SEMA4F: variants seen among roughly 807,000 people sequenced by gnomAD.
The protein encoded by SEMA4F is ssemaphorin 4F.
SEMA4F carries 51 observed loss-of-function variants against 78.4 expected under a neutral mutation model. The ratio of observed to expected loss-of-function variants is 0.65; its 90% CI spans 0.52 to 0.82. The LOEUF is 0.82. SEMA4F is among the 40% of genes least tolerant of loss of function. The pLI is 0.00. For synonymous variants in SEMA4F, 418 were observed against 408.7 expected, an observed-to-expected ratio of 1.02 and a Z score of -0.27; for missense variants, 938 against 1,014.4, an observed-to-expected ratio of 0.92 and a Z score of 1.02.
chr2:74,706,935 C>T, the SEMA4F span, among the ~76,000 whole-genome samples: 1 of 152,148 alleles, frequency 6.6e-6, no homozygotes, highest in African/African-American at 2.4e-5. Context: ...GAGGCAGTGA[C>T]CAAGCAGGAT....
chr2:74,657,482 A>G (rs1684215358), intron 2 of SEMA4F, 83 bp from the exon 3 acceptor site: 4 of 1,343,966 alleles, frequency 3.0e-6, no homozygotes, highest in Admixed American at 1.7e-5. Flanking sequence ...GATGGAGGTT[A>G]TAGAACAGTT....
chr2:74,680,863 AACTTTAG>A lies in SEMA4F; in HGVS notation c.*657_*663del, dbSNP rs1685576018. 6.6e-6 allele frequency: 1 copy of A among 152,200 alleles called. No individual in the cohort carries two copies. The highest frequency in any genetic ancestry group is 2.4e-5 in the African/African-American group (1 of 41,420). 9.4% of individuals were successfully genotyped at this position (152,200 alleles called of 1,614,324 possible). On this transcript the variant is annotated 3_prime_UTR_variant, in exon 14 of 14. Transcript: ENST00000357877. ...ATTGGAATGGGGGCGTTGCCTGCAG[AACTTTAG>A]ACCCTGTAGCCATAGAGGGAATGGC...
At chr2:74,695,799 C>T in the SEMA4F span, among the ~76,000 whole-genome samples, 1 of 152,210 alleles carries the variant, frequency 6.6e-6, no homozygotes, top group African/African-American at 2.4e-5. Context: ...TTGTGAGATG[C>T]TGGGAATTCT....
chr2:74,706,286 C>T, the SEMA4F span, among the ~76,000 whole-genome samples: 2 of 152,140 alleles, frequency 1.3e-5, no homozygotes, highest in South Asian at 2.1e-4. Flanking sequence ...GGATTTGAAA[C>T]CAGATCTGAC....
rs1217404069 is a variant in SEMA4F, at chr2:74,675,298, C to T, written c.1286C>T (p.Thr429Ile). The T allele has an allele frequency of 7.4e-6, 12 of 1,614,084 alleles. No individual in the cohort carries two copies. Among genetic ancestry groups the T allele is most frequent in the Non-Finnish European group, 1.0e-5 (12 of 1,180,046 alleles). Residue 429 changes from threonine to isoleucine, a missense_variant, in exon 10 of 14, where the codon ACT becomes ATT. By Grantham distance (89) the Thr-to-Ile change is moderately conservative (BLOSUM62 -1). Transcript: ENST00000357877. ...FPADGHPLLV[T>I]TDTAYLRVVA... is the part of the protein sequence containing the mutation. ...GCTGATGGCCACCCCCTGCTGGTCA[C>T]TACAGATACAGCCTATCTCAGAGTC...
rs530434362 is a variant in SEMA4F, at chr2:74,680,252, G to T, written c.*43G>T. The T allele has an allele frequency of 2.6e-6, 4 of 1,516,384 alleles. No homozygotes were observed. In the Admixed American group the frequency reaches 8.6e-5, roughly 33 times the overall value. The allele number at this position is 1,516,384 out of a possible 1,614,324, so 93.9% of individuals were successfully genotyped here. ...CTAGTGTATAAGTGATCACTGGAAC[G>T]GAGTGACCACTGAGATGCTGGGGGT... On this transcript the variant is annotated 3_prime_UTR_variant, in exon 14 of 14. Coordinates refer to ENST00000357877, the MANE Select transcript of SEMA4F (RefSeq NM_004263.5).
chr2:74,685,247 G>A (rs1291820443), downstream of SEMA4F, among the ~76,000 whole-genome samples: 3 of 152,094 alleles, frequency 2.0e-5, no homozygotes, highest in Admixed American at 2.0e-4. Context: ...CATGGTGACA[G>A]GGTTCAGTAA....
At chr2:74,702,537 C>T in the SEMA4F span, among the ~76,000 whole-genome samples, 1 of 152,132 alleles carries the variant, frequency 6.6e-6, no homozygotes, top group Non-Finnish European at 1.5e-5. Flanking sequence ...CATCAAAAGG[C>T]TGATCTCATC....
the SEMA4F span, among the ~76,000 whole-genome samples, chr2:74,700,336 A>G: frequency 5.3e-5 from 8 of 152,060 alleles, no homozygotes; most frequent in Admixed American, 1.3e-4. Flanking sequence ...TAAGGGTCTG[A>G]GAATAAATGC....
chr2:74,654,921 A>G (rs1444067337), intron 1 of SEMA4F, among the ~76,000 whole-genome samples: 1 of 152,184 alleles, frequency 6.6e-6, no homozygotes, highest in Non-Finnish European at 1.5e-5. Flanking sequence ...TTCCCCGCAC[A>G]TACACCTGGG....
chr2:74,708,315 T>C, the SEMA4F span, among the ~76,000 whole-genome samples: 1 of 152,104 alleles, frequency 6.6e-6, no homozygotes, highest in Non-Finnish European at 1.5e-5. Context: ...TAGAAAAATA[T>C]GACCCATATT....
intron 3 of SEMA4F, 60 bp downstream of exon 3, chr2:74,657,684 T>C: frequency 1.3e-6 from 2 of 1,545,206 alleles, no homozygotes; most frequent in Non-Finnish European, 1.8e-6. Context: ...CAGCCCTGAC[T>C]CTCAGTCCCC....
At chr2:74,674,762 G>A (rs1573257471) in intron 8 of SEMA4F, 86 bp downstream of exon 8, 1 of 1,560,392 alleles carries the variant, frequency 6.4e-7, no homozygotes, top group Non-Finnish European at 8.7e-7. Flanking sequence ...TCCAGAGGGG[G>A]CAGGCTCTCC....
chr2:74,676,173 G>A (rs1685271923), intron 12 of SEMA4F, among the ~76,000 whole-genome samples: 1 of 152,176 alleles, frequency 6.6e-6, no homozygotes, highest in Admixed American at 6.5e-5. Flanking sequence ...ATGCTGCTTA[G>A]TTTTCATCTT....
chr2:74,659,234 A>G (rs1684312584), intron 4 of SEMA4F, among the ~76,000 whole-genome samples: 1 of 152,096 alleles, frequency 6.6e-6, no homozygotes, highest in Non-Finnish European at 1.5e-5. Flanking sequence ...TGGTACTGCC[A>G]TTGCCATATT....
chr2:74,654,258 C>T lies in SEMA4F; in HGVS notation c.-119C>T. On this transcript the variant is annotated 5_prime_UTR_variant, in exon 1 of 14. Transcript: ENST00000357877. The stretch of plus-strand genomic sequence containing the variant: ...CGGAGCCGGGCGGTGTTTCATCCCT[C>T]AGCCTCAGGCTGAGCCGGACCGAGC... 1.7e-6 allele frequency: 2 copies of T among 1,211,310 alleles called. No homozygotes were observed. Among genetic ancestry groups the T allele is most frequent in the Non-Finnish European group, 2.1e-6 (2 of 933,824 alleles). The allele number at this position is 1,211,310 out of a possible 1,614,324, so 75.0% of individuals were successfully genotyped here.
chr2:74,672,957 C>T (rs1261808000), intron 5 of SEMA4F, among the ~76,000 whole-genome samples: 1 of 152,204 alleles, frequency 6.6e-6, no homozygotes, highest in Non-Finnish European at 1.5e-5. Context: ...TAAATCACTT[C>T]CCCAAGTGAG....
At chr2:74,657,299 G>A (rs1684202920) in intron 2 of SEMA4F, among the ~76,000 whole-genome samples, 1 of 152,168 alleles carries the variant, frequency 6.6e-6, no homozygotes, top group African/African-American at 2.4e-5. Context: ...TGTACTGAAA[G>A]AAACCTTTCT....
chr2:74,706,754 T>A, the SEMA4F span, among the ~76,000 whole-genome samples: 29 of 152,370 alleles, frequency 1.9e-4, 1 homozygote, highest in South Asian at 5.8e-3. Flanking sequence ...GTGTCATTGA[T>A]TTTCACTTCT....
Sources: allele counts gnomAD v4.1 joint callset (sites outside exome capture counted in the v4.1 genomes callset), GRCh38; gene constraint gnomAD v4.1.1; transcripts MANE v1.5; gene names NCBI Gene and HGNC (gene_info 2026-07-23, HGNC 2026-07-21).